Variants in AGMO observed in about 807,000 individuals in gnomAD.
AGMO encodes alkylglycerol monooxygenase, also known as glyceryl-ether monooxygenase.
In AGMO, 75 loss-of-function variants were observed where a neutral mutation model predicts 60.2. That is an observed-to-expected ratio of 1.25 (90% CI 1.03 to 1.51). AGMO has a LOEUF of 1.51. Among genes scored for constraint, AGMO ranks in the 40% most tolerant of loss-of-function variants. The pLI is 0.00. For synonymous variants in AGMO, 261 were observed against 177.1 expected, an observed-to-expected ratio of 1.47 and a Z score of -3.76; for missense variants, 763 against 525.5, an observed-to-expected ratio of 1.45 and a Z score of -4.42.
intron 12 of AGMO, among the ~76,000 whole-genome samples, chr7:15,318,091 T>C (rs1483405812): frequency 1.3e-5 from 2 of 151,414 alleles, no homozygotes; most frequent in African/African-American, 4.9e-5. Flanking sequence ...CTGCAATCTC[T>C]GCCTCTGGGG....
chr7:15,190,969 A>C, the AGMO span, among the ~76,000 whole-genome samples: 1 of 152,100 alleles, frequency 6.6e-6, no homozygotes, highest in Non-Finnish European at 1.5e-5. Context: ...CTAAATTGGC[A>C]TGAGAGTCTA....
At chr7:15,485,843 A>G (rs1782907392) in intron 3 of AGMO, among the ~76,000 whole-genome samples, 2 of 151,908 alleles carry the variant, frequency 1.3e-5, no homozygotes, top group African/African-American at 4.8e-5. Context: ...TTCTTTCCCT[A>G]TGTAGACCTT....
At chr7:15,267,813 A>G (rs1440308336) in intron 12 of AGMO, among the ~76,000 whole-genome samples, 2 of 152,002 alleles carry the variant, frequency 1.3e-5, no homozygotes, top group Non-Finnish European at 2.9e-5. Context: ...CTTGTTTCCC[A>G]AAACGCTAAA....
intron 5 of AGMO, among the ~76,000 whole-genome samples, chr7:15,409,889 T>C (rs796207604): frequency 3.6e-4 from 54 of 151,892 alleles, no homozygotes; most frequent in African/African-American, 1.3e-3. Flanking sequence ...TCAGTATATT[T>C]AATTGGAGGT....
At chr7:15,289,765 G>C (rs1441509387) in intron 12 of AGMO, among the ~76,000 whole-genome samples, 4 of 151,852 alleles carry the variant, frequency 2.6e-5, no homozygotes, top group Non-Finnish European at 4.4e-5. Context: ...TCAATTAACT[G>C]ATCTGTTAAA....
At chr7:15,207,920 C>T (rs950635103) in intron 12 of AGMO, among the ~76,000 whole-genome samples, 6 of 151,814 alleles carry the variant, frequency 4.0e-5, no homozygotes, top group Admixed American at 2.6e-4. Context: ...GGTGACAGTG[C>T]GAGACTCTGT....
intron 3 of AGMO, among the ~76,000 whole-genome samples, chr7:15,525,975 G>A (rs1381642900): frequency 2.0e-5 from 3 of 152,138 alleles, no homozygotes; most frequent in Non-Finnish European, 4.4e-5. Context: ...TAGTCCAGCC[G>A]CAAGCCCTGC....
rs35947599 is a variant in AGMO, at chr7:15,277,311, TAATAAATA to T, written c.1264-75960_1264-75953del. The stretch of plus-strand genomic sequence containing the variant: ...CAGAGCAAGACTCTGTCTCAAAAAA[TAATAAATA>T]AATAAATAAATAAATAAATAAATAA... On this transcript the variant is annotated intron_variant, in intron 12 of 12. Coordinates refer to ENST00000342526, the MANE Select transcript of AGMO (RefSeq NM_001004320.2). Among the ~76,000 whole-genome samples, 1,231 of 144,980 alleles carry T rather than the reference TAATAAATA, an allele frequency of 8.5e-3. 6 individuals are homozygous for T. Among genetic ancestry groups the T allele is most frequent in the East Asian group, 0.034 (167 of 4,948 alleles).
chr7:15,188,596 A>G, the AGMO span, among the ~76,000 whole-genome samples: 1 of 152,208 alleles, frequency 6.6e-6, no homozygotes, highest in Non-Finnish European at 1.5e-5. Context: ...GATAACAGCT[A>G]AGGAGTGAGT....
chr7:15,225,318 T>C (rs943204161), intron 12 of AGMO, among the ~76,000 whole-genome samples: 6 of 152,026 alleles, frequency 3.9e-5, no homozygotes, highest in African/African-American at 1.4e-4. Context: ...ATGATGGTAA[T>C]CTCTGTAAAA....
chr7:15,121,197 A>G, the AGMO span, among the ~76,000 whole-genome samples: 1 of 152,160 alleles, frequency 6.6e-6, no homozygotes, highest in Non-Finnish European at 1.5e-5. Flanking sequence ...TATATGTGCC[A>G]CATTTTCTTT....
chr7:15,531,513 C>A lies in AGMO; in HGVS notation c.409+13259G>T, dbSNP rs867558378. ...TCTATATATATTCTATATATATTCT[C>A]TATATATATTCTATATATATTCTCT... is the stretch of plus-strand genomic sequence containing the variant. On this transcript the variant is annotated intron_variant, in intron 3 of 12. Coordinates refer to ENST00000342526, the MANE Select transcript of AGMO (RefSeq NM_001004320.2). 1.4e-3 allele frequency among the ~76,000 whole-genome samples: 61 copies of A among 44,250 alleles called. 9 individuals are homozygous for A. Among genetic ancestry groups the A allele is most frequent in the South Asian group, 5.4e-3 (8 of 1,484 alleles). The allele number at this position is 44,250 out of a possible 152,430, so 29.0% of individuals were successfully genotyped here.
intron 12 of AGMO, among the ~76,000 whole-genome samples, chr7:15,299,897 G>A (rs1352726046): frequency 1.5e-5 from 2 of 136,984 alleles, no homozygotes; most frequent in African/African-American, 2.7e-5. Flanking sequence ...AGTATGTTTT[G>A]TGTTCAACAT....
At chr7:15,258,123 C>T (rs1783155763) in intron 12 of AGMO, among the ~76,000 whole-genome samples, 1 of 152,090 alleles carries the variant, frequency 6.6e-6, no homozygotes, top group Non-Finnish European at 1.5e-5. Context: ...TATTAATGTA[C>T]TATTTTAGGT....
intron 3 of AGMO, among the ~76,000 whole-genome samples, chr7:15,534,970 T>G (rs1160179103): frequency 1.3e-5 from 2 of 151,984 alleles, no homozygotes; most frequent in Non-Finnish European, 2.9e-5. Flanking sequence ...TTTTTACTTA[T>G]GTATCAGACT....
chr7:15,380,295 TAAAC>T (rs1783625086), intron 10 of AGMO, among the ~76,000 whole-genome samples: 1 of 152,128 alleles, frequency 6.6e-6, no homozygotes, highest in Non-Finnish European at 1.5e-5. Context: ...CTTAAGTTGA[TAAAC>T]AACTTCAGCA....
In AGMO at chr7:15,331,938, T is replaced by A. The variant is rs1416947595; in HGVS notation, c.1263+33576A>T. On this transcript the variant is annotated intron_variant, in intron 12 of 12. Transcript: ENST00000342526. ...TAAAACTGTCTCAAAAAAAAAAAAA[T>A]TGCCATGTGACTAAGTCCTGCCAAT... Among the ~76,000 whole-genome samples the A allele has an allele frequency of 8.1e-5, 12 of 147,850 alleles. No homozygotes were observed. The Admixed American group carries it at 8.2e-4, about 10-fold the overall frequency.
At chr7:15,532,806 T>G (rs1050452749) in intron 3 of AGMO, among the ~76,000 whole-genome samples, 1 of 151,960 alleles carries the variant, frequency 6.6e-6, no homozygotes, top group Non-Finnish European at 1.5e-5. Flanking sequence ...GCCTGGACAA[T>G]GAAGTGAGAC....
intron 12 of AGMO, among the ~76,000 whole-genome samples, chr7:15,268,080 T>C (rs115458501): frequency 0.018 from 2,754 of 151,690 alleles, 93 homozygotes; most frequent in African/African-American, 0.064. Flanking sequence ...GAAACATTAA[T>C]ATGATACCAA....
Sources: gnomAD v4.1 joint callset for allele counts (sites outside exome capture counted in the v4.1 genomes callset) on GRCh38, gnomAD v4.1.1 for gene constraint, MANE v1.5 for transcripts, NCBI Gene and HGNC (gene_info 2026-07-23, HGNC 2026-07-21) for gene names.